Variants in RGL1 observed in about 807,000 individuals in gnomAD.
RGL1 encodes ral guanine nucleotide dissociation stimulator-like 1.
Under a neutral mutation model 95.2 loss-of-function variants are expected in RGL1, and 24 were observed. The observed-to-expected ratio is 0.25, with a 90% CI of 0.18 to 0.35. The LOEUF (loss-of-function observed/expected upper bound fraction) is 0.35. RGL1 is among the 10% of genes least tolerant of loss of function. RGL1 has a pLI of 1.00. For missense variants in RGL1, 715 were observed against 936.3 expected (o/e 0.76, Z 3.08); for synonymous variants, 329 against 344.9 (o/e 0.95, Z 0.51).
chr1:183,641,478 C>T (rs1463446184), intron 1 of RGL1, among the ~76,000 whole-genome samples: 1 of 152,106 alleles, frequency 6.6e-6, no homozygotes, highest in Non-Finnish European at 1.5e-5. Context: ...CCTATGTTGC[C>T]CAGGCTGGTC....
intron 1 of RGL1, among the ~76,000 whole-genome samples, chr1:183,704,076 G>C (rs1342829793): frequency 6.6e-6 from 1 of 152,188 alleles, no homozygotes; most frequent in Non-Finnish European, 1.5e-5. Context: ...TTAAAGAGGA[G>C]AGAACAAGGA....
intron 7 of RGL1, among the ~76,000 whole-genome samples, chr1:183,886,018 A>G (rs1667088818): frequency 6.6e-6 from 1 of 152,122 alleles, no homozygotes; most frequent in African/African-American, 2.4e-5. Flanking sequence ...TTAATATGAA[A>G]ATATCATATT....
intron 2 of RGL1, among the ~76,000 whole-genome samples, chr1:183,844,089 G>C (rs760081544): frequency 9.9e-5 from 15 of 152,182 alleles, no homozygotes; most frequent in Non-Finnish European, 2.1e-4. Flanking sequence ...GCCTCCCGAA[G>C]TGCTGGGATT....
chr1:183,815,883 A>G (rs1314144077), intron 2 of RGL1, among the ~76,000 whole-genome samples: 3 of 152,158 alleles, frequency 2.0e-5, no homozygotes, highest in African/African-American at 7.2e-5. Flanking sequence ...GAACCCTGCC[A>G]TAGAACCTTG....
chr1:183,714,330 G>C (rs1184846929), intron 1 of RGL1, among the ~76,000 whole-genome samples: 1 of 152,144 alleles, frequency 6.6e-6, no homozygotes, highest in Non-Finnish European at 1.5e-5. Context: ...GTTTTTGCAA[G>C]GTGGTCTATC....
intron 4 of RGL1, among the ~76,000 whole-genome samples, chr1:183,877,596 C>T (rs1475899780): frequency 6.6e-6 from 1 of 152,160 alleles, no homozygotes. Context: ...GGCTCTGCCT[C>T]GTGTTCTATT....
chr1:183,737,773 T>C lies in RGL1; in HGVS notation c.-32-4353T>C, dbSNP rs1572349942. 2.0e-5 allele frequency among the ~76,000 whole-genome samples: 3 copies of C among 152,296 alleles called. No individual in the cohort carries two copies. The South Asian group carries it at 6.2e-4, about 32-fold the overall frequency. On this transcript the variant is annotated intron_variant, in intron 1 of 18. Coordinates refer to the RGL1 transcript ENST00000304685. ...AAAAAAATTCCCAAACAATTTTCTTTTTTAATTTTTGAGAAAAATTTTGCT... is the reference window on the plus strand; with the variant it reads ...AAAAAAATTCCCAAACAATTTTCTTCTTTAATTTTTGAGAAAAATTTTGCT...
intron 7 of RGL1, among the ~76,000 whole-genome samples, chr1:183,887,033 CT>C (rs1390907325): frequency 2.6e-5 from 4 of 151,766 alleles, no homozygotes; most frequent in African/African-American, 7.2e-5. Flanking sequence ...TCCTGAGTTC[CT>C]TTTTTTATTG....
intron 1 of RGL1, among the ~76,000 whole-genome samples, chr1:183,732,967 C>T (rs1656717625): frequency 6.6e-6 from 1 of 152,118 alleles, no homozygotes; most frequent in Non-Finnish European, 1.5e-5. Flanking sequence ...TTTTGGTTCA[C>T]TCTAAAATAA....
At chr1:183,639,700 C>CAA (rs11335181) in intron 1 of RGL1, among the ~76,000 whole-genome samples, 55 of 141,028 alleles carry the variant, frequency 3.9e-4, no homozygotes, top group African/African-American at 1.2e-3. Flanking sequence ...ACCTGTAAGC[C>CAA]AAAAAAAAAA....
rs1046549461 is a variant in RGL1 at position 183,724,076 on chromosome 1, C to T, written c.-32-18050C>T. ...CCCTGGGCCAGAAGCAAACTCATTGCCTTGAAGGGAAGAGCCCAGTCCTGG... is the reference window on the plus strand; with the variant it reads ...CCCTGGGCCAGAAGCAAACTCATTGTCTTGAAGGGAAGAGCCCAGTCCTGG... On this transcript the variant is annotated intron_variant, in intron 1 of 18. Coordinates refer to the RGL1 transcript ENST00000304685. This position sits in a 1 kb window ranked among gnomAD's most constrained non-coding sequence, Gnocchi z 4.1. Among the ~76,000 whole-genome samples, 1 of 152,124 alleles carries T rather than the reference C, an allele frequency of 6.6e-6. No homozygotes were observed. Among genetic ancestry groups the T allele is most frequent in the African/African-American group, 2.4e-5 (1 of 41,408 alleles).
intron 1 of RGL1, among the ~76,000 whole-genome samples, chr1:183,805,991 T>C (rs1661296828): frequency 2.3e-5 from 2 of 87,006 alleles, no homozygotes; most frequent in African/African-American, 9.9e-5. Context: ...TTTTTTTTTT[T>C]TTTTTTTTTT....
chr1:183,783,358 G>A lies in RGL1; in HGVS notation c.133-23017G>A, dbSNP rs1411992689. On this transcript the variant is annotated intron_variant, in intron 2 of 18. Transcript: ENST00000304685. ...TACTTAGATTGGCACAAAAGTAACTGTGGTTTTGCATTGAAAGTATAGCAA... is the reference window on the plus strand; with the variant it reads ...TACTTAGATTGGCACAAAAGTAACTATGGTTTTGCATTGAAAGTATAGCAA... Among the ~76,000 whole-genome samples the A allele has an allele frequency of 1.2e-4, 18 of 152,076 alleles. 1 individual carries two copies. Among genetic ancestry groups the A allele is most frequent in the Admixed American group, 4.6e-4 (7 of 15,258 alleles).
chr1:183,785,607 G>T (rs916768543), intron 2 of RGL1, among the ~76,000 whole-genome samples: 3 of 152,188 alleles, frequency 2.0e-5, no homozygotes, highest in Non-Finnish European at 2.9e-5. Flanking sequence ...AGTACCTGGA[G>T]CATAATAGCT....
At chr1:183,756,873 G>A (rs920109153) in intron 2 of RGL1, among the ~76,000 whole-genome samples, 4 of 152,092 alleles carry the variant, frequency 2.6e-5, no homozygotes, top group African/African-American at 7.2e-5. Context: ...ATAAATATTT[G>A]ATGATTGACT....
intron 3 of RGL1, among the ~76,000 whole-genome samples, chr1:183,849,902 G>A (rs1664725896): frequency 6.6e-6 from 1 of 152,168 alleles, no homozygotes; most frequent in South Asian, 2.1e-4. Context: ...TCACTAATGG[G>A]TCAAAGTATA....
chr1:183,784,111 G>A (rs531990192), intron 2 of RGL1, among the ~76,000 whole-genome samples: 1 of 152,190 alleles, frequency 6.6e-6, no homozygotes, highest in African/African-American at 2.4e-5. Flanking sequence ...GCAAAAGACA[G>A]GGCAAACTGG....
intron 1 of RGL1, chr1:183,647,870 C>T: frequency 1.9e-6 from 3 of 1,614,100 alleles, no homozygotes; most frequent in Non-Finnish European, 2.5e-6. Flanking sequence ...GGCCCATATG[C>T]ATTGGTGGTA....
intron 2 of RGL1, among the ~76,000 whole-genome samples, chr1:183,769,212 A>G (rs761107761): frequency 2.6e-5 from 4 of 152,234 alleles, no homozygotes; most frequent in Non-Finnish European, 5.9e-5. Context: ...GGGTATTTTC[A>G]CCAATACTCA....
Sources: gnomAD v4.1 joint callset for allele counts (sites outside exome capture counted in the v4.1 genomes callset) on GRCh38, gnomAD v4.1.1 for gene constraint, Gnocchi (gnomAD v3.1) non-coding constraint, MANE v1.5 for transcripts, NCBI Gene and HGNC (gene_info 2026-07-23, HGNC 2026-07-21) for gene names.